IL12B: variants seen among roughly 807,000 people sequenced by gnomAD.
The protein encoded by IL12B is interleukin-12 subunit beta.
A neutral mutation model predicts 39.2 loss-of-function variants in IL12B; 27 were observed. The observed-to-expected ratio is 0.69, with a 90% CI of 0.51 to 0.95. The LOEUF is 0.95. IL12B is among the 40% of genes least tolerant of loss of function. IL12B has a pLI of 0.00. For synonymous variants in IL12B, 142 were observed against 152.1 expected (o/e 0.93, Z 0.49); for missense variants, 351 against 397.6 (o/e 0.88, Z 1.00).
intron 6 of IL12B, chr5:159,318,232 T>G (rs1379351922): frequency 6.4e-6 from 1 of 155,490 alleles, no homozygotes; most frequent in Non-Finnish European, 1.4e-5. Context: ...CTACCTTTGT[T>G]GCGTTAATTT....
Position 159,320,469 on chromosome 5 carries a change from C to G in IL12B, c.534G>C (p.Glu178Asp), listed in dbSNP as rs749361927. Reference protein sequence around the residue: ...VTCGAATLSAERVRGDNKEYE... With the variant: ...VTCGAATLSADRVRGDNKEYE... Reference sequence around the variant, plus strand: ...ACTCCTTGTTGTCCCCTCTGACTCTCTCTGCAGAGAGTGTAGCAGCTCCGC... The same window carrying G: ...ACTCCTTGTTGTCCCCTCTGACTCTGTCTGCAGAGAGTGTAGCAGCTCCGC... The change falls in exon 5 of 8, where the codon GAG becomes GAC. Residue 178 changes from glutamate to aspartate, a missense_variant. Physicochemically the swap from Glu to Asp is conservative, Grantham distance 45. Transcript: ENST00000231228. The G allele has an allele frequency of 6.2e-7, 1 of 1,614,194 alleles. No homozygotes were observed. Among genetic ancestry groups the G allele is most frequent in the Non-Finnish European group, 8.5e-7 (1 of 1,180,016 alleles).
chr5:159,317,250 T>C (rs542901920), intron 6 of IL12B, among the ~76,000 whole-genome samples: 1 of 152,302 alleles, frequency 6.6e-6, no homozygotes, highest in South Asian at 2.1e-4. Context: ...TTCAGGAAAA[T>C]GTCTTAGGTT....
intron 2 of IL12B, among the ~76,000 whole-genome samples, chr5:159,324,233 A>G (rs999745016): frequency 9.2e-5 from 14 of 152,188 alleles, no homozygotes; most frequent in African/African-American, 3.4e-4. Context: ...TCAGAAGTAC[A>G]AGGGCTACAG....
In IL12B at chr5:159,328,035, G is replaced by T. The variant is rs565185617; in HGVS notation, c.1-1253C>A. 1.6e-3 allele frequency among the ~76,000 whole-genome samples: 247 copies of T among 152,310 alleles called. 1 individual carries two copies. Among genetic ancestry groups the T allele is most frequent in the Non-Finnish European group, 1.0e-3 (70 of 68,022 alleles). The stretch of plus-strand genomic sequence containing the variant: ...ACTATATGAAGGGCAATGCTCAACT[G>T]TTTCAGTCAAATACCTTAAAAATGA... On this transcript the variant is annotated intron_variant, in intron 1 of 7. Coordinates refer to ENST00000231228, the MANE Select transcript of IL12B (RefSeq NM_002187.3).
chr5:159,316,450 G>A (rs1473751705), intron 7 of IL12B, among the ~76,000 whole-genome samples: 1 of 152,160 alleles, frequency 6.6e-6, no homozygotes, highest in Non-Finnish European at 1.5e-5. Flanking sequence ...TCTTTAGGAG[G>A]CCAGAACCCC....
intron 5 of IL12B, among the ~76,000 whole-genome samples, chr5:159,319,432 A>G (rs1186179939): frequency 6.6e-6 from 1 of 152,204 alleles, no homozygotes; most frequent in Non-Finnish European, 1.5e-5. Context: ...CTGAGCGCCC[A>G]TTATGTTCCA....
At chr5:159,316,500 A>T (rs1174514440) in intron 7 of IL12B, among the ~76,000 whole-genome samples, 185 bp downstream of exon 7, 1 of 152,218 alleles carries the variant, frequency 6.6e-6, no homozygotes, top group Non-Finnish European at 1.5e-5. Flanking sequence ...TGGCCAGCAC[A>T]GTGTCCTACA....
intron 5 of IL12B, 106 bp from the exon 6 acceptor site, chr5:159,318,999 G>T: frequency 1.0e-6 from 1 of 966,040 alleles, no homozygotes; most frequent in Non-Finnish European, 1.6e-6. Context: ...GAGTCCACTG[G>T]ATAGTTACTT....
At chr5:159,316,140 T>TTC (rs1753985639) in intron 7 of IL12B, 40 bp from the exon 8 acceptor site, 7 of 155,348 alleles carry the variant, frequency 4.5e-5, no homozygotes, top group Admixed American at 2.5e-4. Flanking sequence ...GGTGACATTG[T>TTC]AACAGCAATG....
intron 5 of IL12B, among the ~76,000 whole-genome samples, chr5:159,319,400 T>G (rs1217856150): frequency 6.6e-6 from 1 of 152,178 alleles, no homozygotes; most frequent in Non-Finnish European, 1.5e-5. Context: ...TATGCTCAAT[T>G]TGCTTGTTTA....
chr5:159,323,530 A>G (rs1754136717), intron 2 of IL12B, among the ~76,000 whole-genome samples: 1 of 152,250 alleles, frequency 6.6e-6, no homozygotes, highest in Non-Finnish European at 1.5e-5. Context: ...AAAGAGTTTT[A>G]TAGCTGCCAT....
chr5:159,321,349 A>T (rs57378200), intron 4 of IL12B, among the ~76,000 whole-genome samples: 1,776 of 143,028 alleles, frequency 0.012, 33 homozygotes, highest in African/African-American at 0.044. Context: ...TACACATTTT[A>T]TATATATATA....
At chr5:159,329,174 C>CT (rs1754238332) in intron 1 of IL12B, among the ~76,000 whole-genome samples, 1 of 152,076 alleles carries the variant, frequency 6.6e-6, no homozygotes, top group Admixed American at 6.6e-5. Flanking sequence ...GTGGGCATCT[C>CT]TTTTTTAAGT....
chr5:159,316,663 T>C (rs760387348), intron 7 of IL12B, 22 bp downstream of exon 7: 2 of 1,607,154 alleles, frequency 1.2e-6, no homozygotes, highest in Non-Finnish European at 1.7e-6. Context: ...AGGCCTGGGC[T>C]GGCCTTTGAG....
chr5:159,319,011 A>AC, intron 5 of IL12B, 118 bp from the exon 6 acceptor site: 1 of 894,474 alleles, frequency 1.1e-6, no homozygotes, highest in Non-Finnish European at 1.8e-6. Flanking sequence ...TAGTTACTTA[A>AC]CTTCTGTGAG....
chr5:159,326,673 A>G, intron 2 of IL12B, 22 bp downstream of exon 2: 1 of 1,562,012 alleles, frequency 6.4e-7, no homozygotes, highest in Non-Finnish European at 8.8e-7. Flanking sequence ...GCCTCCACAG[A>G]GAATAATGAG....
At chr5:159,324,689 G>C (rs994403473) in intron 2 of IL12B, among the ~76,000 whole-genome samples, 2 of 152,226 alleles carry the variant, frequency 1.3e-5, no homozygotes, top group Non-Finnish European at 2.9e-5. Flanking sequence ...GTAAGCCTCA[G>C]TGTCATCATC....
chr5:159,320,185 T>C, intron 5 of IL12B, 121 bp downstream of exon 5: 1 of 847,456 alleles, frequency 1.2e-6, no homozygotes, highest in South Asian at 1.4e-5. Context: ...ATTTTGTTTT[T>C]GGATGCAGAA....
intron 6 of IL12B, 48 bp from the exon 7 acceptor site, chr5:159,316,864 C>A: frequency 1.2e-6 from 2 of 1,609,514 alleles, no homozygotes; most frequent in Non-Finnish European, 1.7e-6. Context: ...AACATAGTCA[C>A]AGGGTAAGCT....
Sources: allele counts gnomAD v4.1 joint callset (sites outside exome capture counted in the v4.1 genomes callset), GRCh38; gene constraint gnomAD v4.1.1; transcripts MANE v1.5; gene names NCBI Gene and HGNC (gene_info 2026-07-23, HGNC 2026-07-21).